The following LAYN variants were observed in gnomAD, a reference collection of about 807,000 sequenced individuals.
LAYN encodes layilin.
A neutral mutation model predicts 43.6 loss-of-function variants in LAYN; 38 were observed. That is an observed-to-expected ratio of 0.87 (90% CI 0.67 to 1.14). LAYN has a LOEUF of 1.14. Ranked by LOEUF, LAYN falls within the 50% of genes most tolerant of loss-of-function variation. The pLI, the probability that LAYN is intolerant of heterozygous loss-of-function variation, is 0.00. For synonymous variants in LAYN, 168 were observed against 172.9 expected (o/e 0.97, Z 0.22); for missense variants, 479 against 463.8 (o/e 1.03, Z -0.30).
intron 2 of LAYN, among the ~76,000 whole-genome samples, chr11:111,545,854 G>A (rs569273892): frequency 6.6e-6 from 1 of 152,316 alleles, no homozygotes; most frequent in South Asian, 2.1e-4. Context: ...AAGGGCACGT[G>A]AGTTATTGCC....
At chr11:111,543,831 C>A (rs1591563666) in intron 1 of LAYN, 92 bp from the exon 2 acceptor site, 2 of 1,295,572 alleles carry the variant, frequency 1.5e-6, no homozygotes, top group South Asian at 1.5e-5. Flanking sequence ...AAAATTCCTA[C>A]CCAGGGATAC....
Position 111,540,757 on chromosome 11 carries a change from G to C in LAYN, c.-87G>C. ...GGTGGCCTAGAGATGCTGCTGCCGC[G>C]GTTGCAGTTGTCGCGCACGCCTCTG... On this transcript the variant is annotated 5_prime_UTR_variant, in exon 1 of 7. Coordinates refer to ENST00000375614, the MANE Select transcript of LAYN (RefSeq NM_178834.5). 1 of 1,303,042 alleles carries C rather than the reference G, an allele frequency of 7.7e-7. No homozygotes were observed. The highest frequency in any genetic ancestry group is 1.0e-6 in the Non-Finnish European group (1 of 972,902). 80.7% of individuals were successfully genotyped at this position (1,303,042 alleles called of 1,614,324 possible). A position where few individuals can be genotyped will look rare whatever the true frequency, so the allele number is the denominator to read the frequency against.
rs774453053 is a variant in LAYN, at chr11:111,544,155, A to G, written c.318A>G (p.Lys106=). 6 of 1,614,058 alleles carry G rather than the reference A, an allele frequency of 3.7e-6. No homozygotes were observed. The highest frequency in any genetic ancestry group is 1.7e-5 in the Admixed American group (1 of 60,006). ...TTGGGCTCAGGAGGCGTGAGGAGAA[A>G]CAAAGCAATAGCACAGCCTGCCAGG... ...FWIGLRRREE[K]QSNSTACQDL... Residue 106 remains lysine, a synonymous_variant, in exon 2 of 7, where the codon AAA becomes AAG. Transcript: ENST00000375614.
chr11:111,548,280 C>T (rs1265373107), intron 2 of LAYN, among the ~76,000 whole-genome samples: 3 of 152,202 alleles, frequency 2.0e-5, no homozygotes, highest in Admixed American at 6.6e-5. Flanking sequence ...AAGTTATTAC[C>T]ATGTGCACCT....
chr11:111,544,183 C>G lies in LAYN; in HGVS notation c.346C>G (p.Leu116Val), dbSNP rs757631341. 1 of 1,614,128 alleles carries G rather than the reference C, an allele frequency of 6.2e-7. No individual in the cohort carries two copies. The highest frequency in any genetic ancestry group is 8.5e-7 in the Non-Finnish European group (1 of 1,180,010). The stretch of plus-strand genomic sequence containing the variant: ...AAGCAATAGCACAGCCTGCCAGGAC[C>G]TTTATGCTTGGACTGATGGCAGCAT... ...KQSNSTACQD[L>V]YAWTDGSISQ... Residue 116 changes from leucine (L) to valine (V), a missense_variant, in exon 2 of 7, where the codon CTT (leucine) becomes GTT (valine). Physicochemically the swap from Leu to Val is conservative, Grantham distance 32 (BLOSUM62 1). Coordinates refer to ENST00000375614, the MANE Select transcript of LAYN (RefSeq NM_178834.5).
intron 5 of LAYN, among the ~76,000 whole-genome samples, chr11:111,556,361 G>A (rs942598142): frequency 6.6e-6 from 1 of 152,146 alleles, no homozygotes; most frequent in African/African-American, 2.4e-5. Flanking sequence ...TTTATTGGGG[G>A]TATCAATGCA....
At chr11:111,543,853 T>G (rs1867592450) in intron 1 of LAYN, 70 bp from the exon 2 acceptor site, 1 of 1,439,866 alleles carries the variant, frequency 6.9e-7, no homozygotes, top group South Asian at 1.4e-5. Flanking sequence ...TTCCTTTGGA[T>G]GCCTCCACGT....
rs1867606175 is a variant in LAYN, at chr11:111,544,222, T to C, written c.383+2T>C. On this transcript the variant is annotated splice_donor_variant, in intron 2 of 6. Coordinates refer to ENST00000375614, the MANE Select transcript of LAYN (RefSeq NM_178834.5). LOFTEE classifies it high-confidence loss of function. ...TGATGGCAGCATATCACAATTTAGG[T>C]AAGTGTGTGGAACCCACAGCTGCTG... The C allele has an allele frequency of 6.2e-7, 1 of 1,609,456 alleles. No homozygotes were observed. Among genetic ancestry groups the C allele is most frequent in the South Asian group, 1.1e-5 (1 of 90,220 alleles).
Position 111,560,162 on chromosome 11 carries a change from A to G in LAYN, c.829A>G (p.Asn277Asp), listed in dbSNP as rs370366810. The part of the protein sequence containing the change: ...HTIWPSPHQG[N>D]SPDLEVYNVI... Reference sequence around the variant, plus strand: ...CATCTGGCCCTCTCCTCACCAGGGAAACAGCCCGGACCTAGAGGTCTACAA... The same window carrying G: ...CATCTGGCCCTCTCCTCACCAGGGAGACAGCCCGGACCTAGAGGTCTACAA... The change falls in exon 7 of 7, where the codon AAC becomes GAC. Residue 277 changes from asparagine (N) to aspartate (D), a missense_variant. Coordinates refer to ENST00000375614, the MANE Select transcript of LAYN (RefSeq NM_178834.5). 54 of 1,614,098 alleles carry G rather than the reference A, an allele frequency of 3.3e-5. No individual in the cohort carries two copies. In the African/African-American group the frequency reaches 6.3e-4, roughly 19 times the overall value.
chr11:111,551,405 G>A (rs568747274), intron 3 of LAYN: 7 of 456,128 alleles, frequency 1.5e-5, no homozygotes, highest in Non-Finnish European at 3.1e-5. Flanking sequence ...AACCTCCCAA[G>A]GCACAGAGGA....
In LAYN at chr11:111,560,487, A is replaced by G. The variant is rs765130815; in HGVS notation, c.*29A>G. ...ATATAAAAAACTGAAACTGACAACA[A>G]TGGAAAAGAAATGATAAGCAAAATC... On this transcript the variant is annotated 3_prime_UTR_variant, in exon 7 of 7. Coordinates refer to ENST00000375614, the MANE Select transcript of LAYN (RefSeq NM_178834.5). 2.5e-6 allele frequency: 4 copies of G among 1,578,594 alleles called. No homozygotes were observed. The East Asian group carries it at 6.7e-5, about 27-fold the overall frequency.
chr11:111,545,216 T>C (rs1009209744), intron 2 of LAYN, among the ~76,000 whole-genome samples: 1 of 152,144 alleles, frequency 6.6e-6, no homozygotes, highest in Non-Finnish European at 1.5e-5. Flanking sequence ...GGAGAAACTT[T>C]AGAAAGGAGG....
chr11:111,560,633 T>C lies in LAYN; in HGVS notation c.*175T>C. 1.5e-6 allele frequency: 1 copy of C among 676,328 alleles called. No individual in the cohort carries two copies. Among genetic ancestry groups the C allele is most frequent in the Non-Finnish European group, 2.4e-6 (1 of 410,624 alleles). The allele number at this position is 676,328 out of a possible 1,614,324, so 41.9% of individuals were successfully genotyped here. ...GACCCCCACGTTTTGGCTGTATCCT[T>C]TATCCCAGCCAGTCATCCAGCTCGA... On this transcript the variant is annotated 3_prime_UTR_variant, in exon 7 of 7. Transcript: ENST00000375614.
At position 111,554,562 on chromosome 11, in the gene LAYN, G is replaced by A. The variant is rs751285694; in HGVS notation, c.543G>A (p.Glu181=). Residue 181 remains glutamate, a splice_region_variant and synonymous_variant, in exon 4 of 7, where the codon GAG becomes GAA. Coordinates refer to ENST00000375614, the MANE Select transcript of LAYN (RefSeq NM_178834.5). ...KNNFICKYSD[E]KPAVPSREAE... ...TGTTTTTGTTTCTTTCTACTACAGA[G>A]AAACCAGCAGTTCCTTCTAGAGAAG... 1.2e-6 allele frequency: 2 copies of A among 1,612,368 alleles called. No homozygotes were observed. Among genetic ancestry groups the A allele is most frequent in the East Asian group, 2.2e-5 (1 of 44,858 alleles).
At chr11:111,557,702 T>C (rs1039207601) in intron 6 of LAYN, 59 bp downstream of exon 6, 39 of 1,366,900 alleles carry the variant, frequency 2.9e-5, no homozygotes, top group Non-Finnish European at 3.7e-5. Flanking sequence ...GAGATTTGGA[T>C]ATTGCCTTGT....
intron 5 of LAYN, among the ~76,000 whole-genome samples, chr11:111,555,799 T>C (rs1403276605): frequency 6.6e-6 from 1 of 152,258 alleles, no homozygotes; most frequent in Non-Finnish European, 1.5e-5. Flanking sequence ...ATCTGAGTTT[T>C]TGTCACTGGG....
At position 111,544,131 on chromosome 11, in the gene LAYN, T is replaced by C. The variant is rs769686426; in HGVS notation, c.294T>C (p.Ile98=). The part of the protein sequence containing the change: ...NLLPSDGDFW[I]GLRRREEKQS... ...TGCCATCTGATGGTGACTTCTGGAT[T>C]GGGCTCAGGAGGCGTGAGGAGAAAC... Residue 98 remains isoleucine (I), a synonymous_variant, in exon 2 of 7, where the codon ATT becomes ATC. Coordinates refer to ENST00000375614, the MANE Select transcript of LAYN (RefSeq NM_178834.5). The C allele has an allele frequency of 6.2e-7, 1 of 1,614,180 alleles. No individual in the cohort carries two copies. Among genetic ancestry groups the C allele is most frequent in the East Asian group, 2.2e-5 (1 of 44,880 alleles).
chr11:111,540,638 C>T, upstream of LAYN: 1 of 519,344 alleles, frequency 1.9e-6, no homozygotes, highest in Non-Finnish European at 3.3e-6. Flanking sequence ...GCGGGCCAGC[C>T]AGCGGGGCTG....
chr11:111,560,614 C>A lies in LAYN; in HGVS notation c.*156C>A. The A allele has an allele frequency of 1.3e-6, 1 of 799,652 alleles. No homozygotes were observed. The highest frequency in any genetic ancestry group is 1.9e-6 in the Non-Finnish European group (1 of 517,568). The allele number at this position is 799,652 out of a possible 1,614,324, so 49.5% of individuals were successfully genotyped here. On this transcript the variant is annotated 3_prime_UTR_variant, in exon 7 of 7. Transcript: ENST00000375614. ...TCCCCACGACCTCCTGTTGGACCCC[C>A]ACGTTTTGGCTGTATCCTTTATCCC...
Sources: allele counts gnomAD v4.1 joint callset (sites outside exome capture counted in the v4.1 genomes callset), GRCh38; gene constraint gnomAD v4.1.1; transcripts MANE v1.5; gene names NCBI Gene and HGNC (gene_info 2026-07-23, HGNC 2026-07-21).